FBXL17: variants seen among roughly 807,000 people sequenced by gnomAD.
The protein encoded by FBXL17 is F-box/LRR-repeat protein 17.
Under a neutral mutation model 66.2 loss-of-function variants are expected in FBXL17, and 22 were observed. The ratio of observed to expected loss-of-function variants is 0.33; its 90% CI spans 0.24 to 0.47. The LOEUF (loss-of-function observed/expected upper bound fraction) is 0.47, where lower values mean the gene tolerates loss of function less well. Ranked by LOEUF, FBXL17 falls within the 20% of genes least tolerant of loss-of-function variation. The probability of loss-of-function intolerance (pLI) is 1.00; values close to 1 mark genes in which losing one functional copy is unlikely to be tolerated. For missense variants in FBXL17, 878 were observed against 948.2 expected, an observed-to-expected ratio of 0.93 and a Z score of 0.97; for synonymous variants, 474 against 400.5, an observed-to-expected ratio of 1.18 and a Z score of -2.19.
chr5:108,226,952 T>C (rs1300139575), intron 4 of FBXL17, among the ~76,000 whole-genome samples: 1 of 152,164 alleles, frequency 6.6e-6, no homozygotes, highest in East Asian at 1.9e-4. Context: ...ACTGAGACTA[T>C]ACCAATGGCT....
chr5:108,171,536 T>A lies in FBXL17; in HGVS notation c.1745+14581A>T, dbSNP rs140203296. 8.4e-4 allele frequency among the ~76,000 whole-genome samples: 128 copies of A among 152,342 alleles called. 2 individuals are homozygous for A. In the East Asian group the frequency reaches 0.024, roughly 28 times the overall value. ...CTTAATGAATGAAAAACTCTCAGCC[T>A]GACTTAATATAAAATTCCCCACATA... is the stretch of plus-strand genomic sequence containing the variant. On this transcript the variant is annotated intron_variant, in intron 6 of 8. Coordinates refer to ENST00000542267, the MANE Select transcript of FBXL17 (RefSeq NM_001163315.3).
At chr5:108,207,509 G>T (rs905604307) in intron 5 of FBXL17, among the ~76,000 whole-genome samples, 1 of 152,022 alleles carries the variant, frequency 6.6e-6, no homozygotes, top group African/African-American at 2.4e-5. Flanking sequence ...GCCCCGGAGT[G>T]TGATGCTCCC....
chr5:108,120,858 G>T (rs1236463740), intron 6 of FBXL17, among the ~76,000 whole-genome samples: 1 of 152,030 alleles, frequency 6.6e-6, no homozygotes, highest in East Asian at 1.9e-4. Flanking sequence ...AATAGTGCCT[G>T]GAAGCACTCA....
intron 4 of FBXL17, among the ~76,000 whole-genome samples, chr5:108,265,976 C>G (rs958482615): frequency 3.3e-5 from 5 of 152,144 alleles, no homozygotes; most frequent in Admixed American, 2.6e-4. Context: ...TACAGAAATA[C>G]TTAGTTGCCC....
chr5:108,331,933 AT>A (rs1760142589), intron 4 of FBXL17, among the ~76,000 whole-genome samples: 1 of 152,262 alleles, frequency 6.6e-6, no homozygotes, highest in Non-Finnish European at 1.5e-5. Flanking sequence ...AAGATCTGAA[AT>A]AATTTGATGT....
chr5:108,312,748 G>A (rs1199482061), intron 4 of FBXL17, among the ~76,000 whole-genome samples: 1 of 151,842 alleles, frequency 6.6e-6, no homozygotes, highest in Non-Finnish European at 1.5e-5. Flanking sequence ...TTGTCCATAG[G>A]GCCAATTTAG....
chr5:107,987,755 G>C (rs984413339), intron 7 of FBXL17, among the ~76,000 whole-genome samples: 1 of 152,052 alleles, frequency 6.6e-6, no homozygotes, highest in Non-Finnish European at 1.5e-5. Context: ...CCCTGGTTGG[G>C]TATGACAAAA....
intron 6 of FBXL17, among the ~76,000 whole-genome samples, chr5:108,121,093 G>A (rs776881358): frequency 2.6e-5 from 4 of 152,176 alleles, no homozygotes; most frequent in Non-Finnish European, 4.4e-5. Context: ...ACTTTGGGAG[G>A]CTGAGGTGGG....
At chr5:107,958,716 C>T (rs578143797) in intron 7 of FBXL17, among the ~76,000 whole-genome samples, 1 of 152,170 alleles carries the variant, frequency 6.6e-6, no homozygotes, top group Admixed American at 6.5e-5. Flanking sequence ...CAGTCCCTGC[C>T]TTTTCCCAGA....
intron 6 of FBXL17, among the ~76,000 whole-genome samples, chr5:108,144,994 G>T (rs1429510350): frequency 2.6e-5 from 4 of 152,056 alleles, no homozygotes; most frequent in Admixed American, 2.6e-4. Flanking sequence ...CATTGTTTTA[G>T]GATTATGCAT....
At chr5:107,925,455 T>C (rs1251752730) in intron 7 of FBXL17, among the ~76,000 whole-genome samples, 1 of 152,220 alleles carries the variant, frequency 6.6e-6, no homozygotes, top group African/African-American at 2.4e-5. Flanking sequence ...GGCTTCCTGT[T>C]GCACGTACCT....
At chr5:108,179,871 A>T (rs1184419446) in intron 6 of FBXL17, among the ~76,000 whole-genome samples, 4 of 152,192 alleles carry the variant, frequency 2.6e-5, no homozygotes, top group African/African-American at 9.6e-5. Context: ...TATGATTTAA[A>T]TATGAAATAT....
chr5:107,952,040 C>G (rs538281513), intron 7 of FBXL17, among the ~76,000 whole-genome samples: 1 of 152,170 alleles, frequency 6.6e-6, no homozygotes, highest in East Asian at 1.9e-4. Context: ...CATATATAAG[C>G]TCAATTAATT....
chr5:108,365,250 C>T (rs2112572068), intron 2 of FBXL17, among the ~76,000 whole-genome samples: 1 of 152,152 alleles, frequency 6.6e-6, no homozygotes, highest in East Asian at 1.9e-4. Context: ...AATAGAATTT[C>T]TTTAGTTATT....
intron 7 of FBXL17, among the ~76,000 whole-genome samples, chr5:107,958,738 C>A (rs1580249255): frequency 6.6e-6 from 1 of 152,138 alleles, no homozygotes; most frequent in Non-Finnish European, 1.5e-5. Flanking sequence ...AATGTGGCTG[C>A]CAGCTAATAC....
chr5:108,052,030 G>A (rs1276257001), intron 6 of FBXL17, among the ~76,000 whole-genome samples: 3 of 149,228 alleles, frequency 2.0e-5, no homozygotes, highest in South Asian at 2.2e-4. Flanking sequence ...GGAGAATGGC[G>A]TGAACCTGGG....
At chr5:108,059,043 A>C (rs1225068830) in intron 6 of FBXL17, among the ~76,000 whole-genome samples, 1 of 152,144 alleles carries the variant, frequency 6.6e-6, no homozygotes, top group East Asian at 1.9e-4. Flanking sequence ...ACCATAGAAA[A>C]AGCTCTGAGC....
At chr5:108,256,949 TG>T (rs1418442402) in intron 4 of FBXL17, among the ~76,000 whole-genome samples, 1 of 152,144 alleles carries the variant, frequency 6.6e-6, no homozygotes, top group African/African-American at 2.4e-5. Context: ...AAAGTTGTGT[TG>T]TGCATTATGA....
intron 7 of FBXL17, among the ~76,000 whole-genome samples, chr5:107,940,041 T>C (rs1751040897): frequency 6.6e-6 from 1 of 152,170 alleles, no homozygotes. Context: ...CTGACTAGCA[T>C]CTCATTTCAG....
Sources: gnomAD v4.1 joint callset for allele counts (sites outside exome capture counted in the v4.1 genomes callset) on GRCh38, gnomAD v4.1.1 for gene constraint, MANE v1.5 for transcripts, NCBI Gene and HGNC (gene_info 2026-07-23, HGNC 2026-07-21) for gene names.